RORB: variants seen among roughly 807,000 people sequenced by gnomAD.
The protein encoded by RORB is nuclear receptor ROR-beta.
In RORB, 6 loss-of-function variants were observed where a neutral mutation model predicts 59.1. The observed-to-expected ratio is 0.10, with a 90% confidence interval of 0.06 to 0.20. RORB has a LOEUF of 0.20. Among genes scored for constraint, RORB ranks in the 10% least tolerant of loss-of-function variants. RORB has a pLI of 1.00. For synonymous variants in RORB, 215 were observed against 204.5 expected, an observed-to-expected ratio of 1.05 and a Z score of -0.44; for missense variants, 320 against 560.5, an observed-to-expected ratio of 0.57 and a Z score of 4.33.
chr9:74,500,483 G>A (rs1422232870), intron 1 of RORB, among the ~76,000 whole-genome samples: 3 of 152,134 alleles, frequency 2.0e-5, no homozygotes, highest in Non-Finnish European at 4.4e-5. Flanking sequence ...AGCACCCTAT[G>A]TTGGGAGAGG....
At chr9:74,515,759 C>G (rs1264950892) in intron 1 of RORB, among the ~76,000 whole-genome samples, 11 of 151,946 alleles carry the variant, frequency 7.2e-5, no homozygotes, top group Admixed American at 5.9e-4. Context: ...ATGGCATTCC[C>G]AAATGACATC....
intron 2 of RORB, among the ~76,000 whole-genome samples, chr9:74,633,622 T>C (rs1346388143): frequency 6.6e-6 from 1 of 152,208 alleles, no homozygotes; most frequent in Non-Finnish European, 1.5e-5. Flanking sequence ...CTTATCTATC[T>C]CTGGAGAAAA....
intron 2 of RORB, among the ~76,000 whole-genome samples, chr9:74,631,643 G>T (rs1823620755): frequency 6.6e-6 from 1 of 152,166 alleles, no homozygotes; most frequent in African/African-American, 2.4e-5. Context: ...TAAGAATAAA[G>T]TGGGAGAGGG....
intron 8 of RORB, among the ~76,000 whole-genome samples, chr9:74,669,305 C>T (rs1329534062): frequency 6.6e-6 from 1 of 151,884 alleles, no homozygotes. Context: ...ATGGTGAAAC[C>T]CCATCTCTAC....
intron 1 of RORB, among the ~76,000 whole-genome samples, chr9:74,620,938 C>T (rs887715025): frequency 1.3e-5 from 2 of 152,140 alleles, no homozygotes; most frequent in African/African-American, 2.4e-5. Context: ...GCAAAAGAAG[C>T]ACCTCTGTGC....
intron 1 of RORB, among the ~76,000 whole-genome samples, chr9:74,621,635 C>T (rs750202171): frequency 1.3e-5 from 2 of 152,180 alleles, no homozygotes; most frequent in Non-Finnish European, 2.9e-5. Flanking sequence ...TTTGGTAAGA[C>T]TATGGGTAGC....
intron 1 of RORB, among the ~76,000 whole-genome samples, chr9:74,626,887 G>A (rs1471589136): frequency 6.6e-6 from 1 of 152,214 alleles, no homozygotes; most frequent in Non-Finnish European, 1.5e-5. Flanking sequence ...GTATAGACCG[G>A]GCATGGTGGC....
Position 74,631,454 on chromosome 9 carries a change from A to T in RORB, c.93+1087A>T, listed in dbSNP as rs567548623. On this transcript the variant is annotated intron_variant, in intron 2 of 9. Coordinates refer to ENST00000376896, the MANE Select transcript of RORB (RefSeq NM_006914.4). ...AAACTGAAGGAAGTGTAGTACAGTC[A>T]TAGAGTCTTAAGATCTAATCTTAAT... is the stretch of plus-strand genomic sequence containing the variant. Among the ~76,000 whole-genome samples the T allele has an allele frequency of 0.024, 295 of 12,354 alleles. 2 individuals carry two copies. The Non-Finnish European group carries it at 0.44, about 19-fold the overall frequency. The allele number at this position is 12,354 out of a possible 152,430, so 8.1% of individuals were successfully genotyped here.
Position 74,582,430 on chromosome 9 carries a change from A to G in RORB, c.8-47852A>G, listed in dbSNP as rs192046875. Among the ~76,000 whole-genome samples the G allele has an allele frequency of 2.2e-4, 33 of 152,332 alleles. 2 individuals carry two copies. The highest frequency in any genetic ancestry group is 7.7e-4 in the African/African-American group (32 of 41,572). On this transcript the variant is annotated intron_variant, in intron 1 of 9. Coordinates refer to ENST00000376896, the MANE Select transcript of RORB (RefSeq NM_006914.4). ...AGAGCCCATGCCCTAGGAATGGCAGATAAGGAATGTGATTGTTACTCAAAA... is the reference window on the plus strand; with the variant it reads ...AGAGCCCATGCCCTAGGAATGGCAGGTAAGGAATGTGATTGTTACTCAAAA...
chr9:74,624,569 C>T (rs1026679981), intron 1 of RORB, among the ~76,000 whole-genome samples: 1 of 152,212 alleles, frequency 6.6e-6, no homozygotes, highest in Non-Finnish European at 1.5e-5. Flanking sequence ...TCTGATGAAT[C>T]ACAGTTACAG....
chr9:74,587,947 A>C (rs2118276923), intron 1 of RORB, among the ~76,000 whole-genome samples: 1 of 152,290 alleles, frequency 6.6e-6, no homozygotes, highest in East Asian at 1.9e-4. Context: ...AACTGGCATG[A>C]GTTTTGTCTG....
chr9:74,561,941 C>G (rs144011805), intron 1 of RORB, among the ~76,000 whole-genome samples: 8 of 152,234 alleles, frequency 5.3e-5, no homozygotes, highest in African/African-American at 1.9e-4. Context: ...TGTAGAATGT[C>G]ACTCCACTCA....
chr9:74,587,626 C>T (rs139705676), intron 1 of RORB, among the ~76,000 whole-genome samples: 3 of 152,204 alleles, frequency 2.0e-5, no homozygotes, highest in Non-Finnish European at 4.4e-5. Context: ...GATGGCCTTA[C>T]CCACATGTTT....
chr9:74,640,365 C>G (rs950970884), intron 3 of RORB, among the ~76,000 whole-genome samples: 1 of 151,984 alleles, frequency 6.6e-6, no homozygotes, highest in African/African-American at 2.4e-5. Flanking sequence ...CTCAGCCTCC[C>G]GAGTAGCTGG....
At position 74,642,733 on chromosome 9, in the gene RORB, C is replaced by G; in HGVS notation, c.555C>G (p.Asp185Glu). 1 of 1,614,084 alleles carries G rather than the reference C, an allele frequency of 6.2e-7. No homozygotes were observed. The highest frequency in any genetic ancestry group is 2.2e-5 in the East Asian group (1 of 44,874). The change falls in exon 4 of 10, where the codon GAC becomes GAG. Residue 185 changes from aspartate to glutamate, a missense_variant. By Grantham distance (45) the Asp-to-Glu change is conservative (BLOSUM62 2). Coordinates refer to ENST00000376896, the MANE Select transcript of RORB (RefSeq NM_006914.4). ...AGATAAAGCAAGAACCTATCTATGA[C>G]CTCACATCCGTACCCAACTTGTTTA... is the stretch of plus-strand genomic sequence containing the variant. ...IKQIKQEPIYDLTSVPNLFTY... is the reference protein window; with the variant it reads ...IKQIKQEPIYELTSVPNLFTY...
intron 1 of RORB, among the ~76,000 whole-genome samples, chr9:74,519,820 A>G (rs898913186): frequency 2.6e-5 from 4 of 151,978 alleles, no homozygotes; most frequent in African/African-American, 9.7e-5. Flanking sequence ...CAGAAATAGG[A>G]AAGTTACATA....
intron 1 of RORB, among the ~76,000 whole-genome samples, chr9:74,547,130 G>A (rs1201254618): frequency 6.6e-6 from 1 of 151,978 alleles, no homozygotes; most frequent in Non-Finnish European, 1.5e-5. Context: ...GGTTTTTTTT[G>A]TTATCAGAGG....
intron 6 of RORB, among the ~76,000 whole-genome samples, chr9:74,663,031 A>G (rs1441648002): frequency 1.3e-5 from 2 of 151,840 alleles, no homozygotes; most frequent in African/African-American, 4.8e-5. Context: ...AGTATACACC[A>G]GGAGAAACTC....
At chr9:74,663,985 C>T (rs184888909) in intron 6 of RORB, among the ~76,000 whole-genome samples, 1 of 152,198 alleles carries the variant, frequency 6.6e-6, no homozygotes, top group Admixed American at 6.5e-5. Flanking sequence ...TGAAGCCCCA[C>T]CCAGATTCAA....
Sources: allele counts gnomAD v4.1 joint callset (sites outside exome capture counted in the v4.1 genomes callset), GRCh38; gene constraint gnomAD v4.1.1; transcripts MANE v1.5; gene names NCBI Gene and HGNC (gene_info 2026-07-23, HGNC 2026-07-21).